Variants in PPHLN1 observed in about 807,000 individuals in gnomAD.
PPHLN1 encodes periphilin-1.
PPHLN1 carries 29 observed loss-of-function variants against 51.3 expected under a neutral mutation model. The observed-to-expected ratio is 0.57, with a 90% CI of 0.42 to 0.77. PPHLN1 has a LOEUF of 0.77. Ranked by LOEUF, PPHLN1 falls within the 30% of genes least tolerant of loss-of-function variation. The pLI, the probability that PPHLN1 is intolerant of heterozygous loss-of-function variation, is 0.00. For missense variants in PPHLN1, 436 were observed against 438.4 expected (o/e 0.99, Z 0.05); for synonymous variants, 147 against 147.8 (o/e 0.99, Z 0.04).
intron 7 of PPHLN1, among the ~76,000 whole-genome samples, chr12:42,393,265 A>G (rs7955547): frequency 0.2 from 29,767 of 151,916 alleles, 3,225 homozygotes; most frequent in African/African-American, 0.29. Context: ...GATGTCTTTT[A>G]TATTCTAAAT....
At chr12:42,330,532 T>C (rs757652548) in intron 1 of PPHLN1, among the ~76,000 whole-genome samples, 1 of 152,194 alleles carries the variant, frequency 6.6e-6, no homozygotes, top group Non-Finnish European at 1.5e-5. Context: ...TGATGACTTT[T>C]ACCAAGCAAA....
At chr12:42,391,926 A>T (rs892691320) in intron 7 of PPHLN1, among the ~76,000 whole-genome samples, 1 of 152,164 alleles carries the variant, frequency 6.6e-6, no homozygotes, top group African/African-American at 2.4e-5. Context: ...TCAGTTAAAA[A>T]AATGTCTAAG....
rs59053077 is a variant in PPHLN1 at position 42,428,820 on chromosome 12, C to CTTTT, written c.910-12481_910-12478dup. 1.7e-3 allele frequency among the ~76,000 whole-genome samples: 197 copies of CTTTT among 118,004 alleles called. 2 individuals carry two copies. Among genetic ancestry groups the CTTTT allele is most frequent in the African/African-American group, 2.4e-3 (78 of 32,876 alleles). 77.4% of individuals were successfully genotyped at this position (118,004 alleles called of 152,430 possible). On this transcript the variant is annotated intron_variant, in intron 9 of 9. Coordinates refer to ENST00000358314, the MANE Select transcript of PPHLN1 (RefSeq NM_201439.2). The stretch of plus-strand genomic sequence containing the variant: ...AAAATGAAGTTTGCCTTTTTAACTT[C>CTTTT]TTTTTTTTTTTTTTTTTAACTTAAG...
intron 9 of PPHLN1, among the ~76,000 whole-genome samples, chr12:42,405,981 A>T (rs2079255070): frequency 6.6e-6 from 1 of 152,194 alleles, no homozygotes; most frequent in Non-Finnish European, 1.5e-5. Flanking sequence ...TCAAGGCAAG[A>T]AATAGAATAT....
At chr12:42,360,110 C>CAAAAAAAAAAAAAAAAAAAAAAAAA (rs10643805) in intron 4 of PPHLN1, among the ~76,000 whole-genome samples, 38 of 123,086 alleles carry the variant, frequency 3.1e-4, no homozygotes, top group East Asian at 5.5e-4. Flanking sequence ...GACTCCATCT[C>CAAAAAAAAAAAAAAAAAAAAAAAAA]AAAAAAAAAA....
At chr12:42,437,134 C>G (rs751269192) in intron 9 of PPHLN1, among the ~76,000 whole-genome samples, 6 of 152,228 alleles carry the variant, frequency 3.9e-5, no homozygotes, top group African/African-American at 7.2e-5. Flanking sequence ...GATGTCTAAG[C>G]TCCTTGAAGG....
intron 3 of PPHLN1, among the ~76,000 whole-genome samples, chr12:42,352,579 T>G (rs547122390): frequency 6.6e-5 from 10 of 151,648 alleles, no homozygotes; most frequent in African/African-American, 2.4e-4. Flanking sequence ...CTGGCTAATT[T>G]TTGTGTTTTC....
At chr12:42,378,540 G>A (rs1164538143) in intron 5 of PPHLN1, among the ~76,000 whole-genome samples, 5 of 151,586 alleles carry the variant, frequency 3.3e-5, no homozygotes, top group East Asian at 3.9e-4. Context: ...TGAAAAAGAC[G>A]TAAAATATTA....
At chr12:42,355,601 A>G (rs554735659) in intron 4 of PPHLN1, 1 of 162,030 alleles carries the variant, frequency 6.2e-6, no homozygotes, top group Non-Finnish European at 1.3e-5. Flanking sequence ...AGAAAAAAAA[A>G]TTAGCTGGGC....
At chr12:42,351,367 T>C (rs908204077) in intron 2 of PPHLN1, 1 of 152,228 alleles carries the variant, frequency 6.6e-6, no homozygotes, top group Admixed American at 6.5e-5. Flanking sequence ...ATTTTGCTTC[T>C]AGACCTGTAA....
At chr12:42,348,519 A>G (rs1023898246) in intron 2 of PPHLN1, among the ~76,000 whole-genome samples, 2 of 152,182 alleles carry the variant, frequency 1.3e-5, no homozygotes, top group Non-Finnish European at 2.9e-5. Context: ...TACTTCTGCC[A>G]AAGTTTTACC....
At chr12:42,446,273 C>A (rs952491802), downstream of PPHLN1, 1 of 1,597,646 alleles carries the variant, frequency 6.3e-7, no homozygotes, top group African/African-American at 1.3e-5. Flanking sequence ...CTCTGTTGTA[C>A]ATTGCAACTC....
chr12:42,430,685 G>A (rs986601973), intron 9 of PPHLN1, among the ~76,000 whole-genome samples: 1 of 151,864 alleles, frequency 6.6e-6, no homozygotes, highest in Non-Finnish European at 1.5e-5. Flanking sequence ...GTCGAGACGG[G>A]GTTTCACCAT....
intron 9 of PPHLN1, chr12:42,399,280 G>A (rs973179805): frequency 2.2e-6 from 2 of 924,182 alleles, no homozygotes; most frequent in African/African-American, 1.8e-5. Flanking sequence ...AATAGGGATG[G>A]GATGGAAGAA....
At chr12:42,409,102 A>T (rs2079573285) in intron 9 of PPHLN1, among the ~76,000 whole-genome samples, 1 of 152,158 alleles carries the variant, frequency 6.6e-6, no homozygotes, top group African/African-American at 2.4e-5. Flanking sequence ...TCTTTCTCTC[A>T]AAATATCTTA....
chr12:42,402,997 T>C (rs948434222), intron 9 of PPHLN1, among the ~76,000 whole-genome samples: 2 of 152,228 alleles, frequency 1.3e-5, no homozygotes, highest in African/African-American at 2.4e-5. Flanking sequence ...ATTAGTGAAA[T>C]GTACAGTCTT....
At chr12:42,337,654 G>A (rs952913644) in intron 2 of PPHLN1, among the ~76,000 whole-genome samples, 5 of 151,248 alleles carry the variant, frequency 3.3e-5, no homozygotes, top group East Asian at 1.9e-4. Flanking sequence ...GCAGTGGTGC[G>A]ATCTTGGCTC....
intron 9 of PPHLN1, among the ~76,000 whole-genome samples, chr12:42,441,042 G>C (rs1224058725): frequency 6.6e-6 from 1 of 152,184 alleles, no homozygotes; most frequent in African/African-American, 2.4e-5. Flanking sequence ...TGAGTAGACT[G>C]CCTTACACTG....
intron 6 of PPHLN1, 124 bp downstream of exon 6, chr12:42,385,120 G>A (rs1669906): frequency 1 from 1,035,919 of 1,040,718 alleles, 515,737 homozygotes; most frequent in East Asian, 1. Flanking sequence ...ACCACAGTTA[G>A]CAGTAGACCT....
Sources: gnomAD v4.1 joint callset for allele counts (sites outside exome capture counted in the v4.1 genomes callset) on GRCh38, gnomAD v4.1.1 for gene constraint, MANE v1.5 for transcripts, NCBI Gene and HGNC (gene_info 2026-07-23, HGNC 2026-07-21) for gene names.